The following GALNTL6 variants were observed in gnomAD, a reference collection of about 807,000 sequenced individuals.
The protein encoded by GALNTL6 is polypeptide N-acetylgalactosaminyltransferase like 6, also known as polypeptide N-acetylgalactosaminyltransferase-like 6.
A neutral mutation model predicts 73.7 loss-of-function variants in GALNTL6; 46 were observed. The ratio of observed to expected loss-of-function variants is 0.62; its 90% CI spans 0.49 to 0.80. The LOEUF (loss-of-function observed/expected upper bound fraction) is 0.80. Ranked by LOEUF, GALNTL6 falls within the 30% of genes least tolerant of loss-of-function variation. The pLI, the probability that GALNTL6 is intolerant of heterozygous loss-of-function variation, is 0.00. For synonymous variants in GALNTL6, 259 were observed against 263.7 expected, an observed-to-expected ratio of 0.98 and a Z score of 0.17; for missense variants, 604 against 755.0, an observed-to-expected ratio of 0.80 and a Z score of 2.34.
At chr4:172,576,736 C>T (rs1028556010) in intron 5 of GALNTL6, among the ~76,000 whole-genome samples, 5 of 152,110 alleles carry the variant, frequency 3.3e-5, no homozygotes, top group Non-Finnish European at 7.4e-5. Context: ...ATTAGTTCCA[C>T]TATAACTACT....
Position 172,742,739 on chromosome 4 carries a change from T to C in GALNTL6, c.554-66622T>C, listed in dbSNP as rs569431710. 1.4e-3 allele frequency among the ~76,000 whole-genome samples: 210 copies of C among 152,188 alleles called. 1 individual carries two copies. Among genetic ancestry groups the C allele is most frequent in the African/African-American group, 4.8e-3 (200 of 41,542 alleles). ...AAAGCGAACAACAAACTATACTGCT[T>C]AAAATCTGCTGACAGGATTTCCCTT... On this transcript the variant is annotated intron_variant, in intron 5 of 12. Transcript: ENST00000506823.
chr4:171,929,614 C>A (rs1738111492), intron 2 of GALNTL6, among the ~76,000 whole-genome samples: 1 of 152,236 alleles, frequency 6.6e-6, no homozygotes, highest in African/African-American at 2.4e-5. Flanking sequence ...AGCCAGCCCA[C>A]TGTACGTGCT....
intron 2 of GALNTL6, among the ~76,000 whole-genome samples, chr4:172,118,058 T>C (rs1733034400): frequency 6.6e-6 from 1 of 152,108 alleles, no homozygotes; most frequent in Admixed American, 6.6e-5. Context: ...ATATGTGATA[T>C]TTTACCTTCA....
chr4:172,201,151 G>T (rs1735937999), intron 2 of GALNTL6, among the ~76,000 whole-genome samples: 1 of 151,234 alleles, frequency 6.6e-6, no homozygotes, highest in Non-Finnish European at 1.5e-5. Flanking sequence ...GGACAGAATT[G>T]TTCCCTAATG....
At chr4:173,017,969 C>G (rs1752848160) in intron 11 of GALNTL6, among the ~76,000 whole-genome samples, 1 of 152,204 alleles carries the variant, frequency 6.6e-6, no homozygotes, top group Non-Finnish European at 1.5e-5. Context: ...AAGCAAGACA[C>G]TCATTTTCTG....
intron 5 of GALNTL6, among the ~76,000 whole-genome samples, chr4:172,519,590 C>T (rs1734712905): frequency 6.6e-6 from 1 of 151,032 alleles, no homozygotes; most frequent in Non-Finnish European, 1.5e-5. Context: ...GTTTCTTCCA[C>T]TGACAAAGAC....
chr4:172,025,796 T>C (rs182983743), intron 2 of GALNTL6, among the ~76,000 whole-genome samples: 2 of 151,966 alleles, frequency 1.3e-5, no homozygotes, highest in African/African-American at 4.8e-5. Flanking sequence ...TTGGTGTGTG[T>C]GTGTGTGTAT....
intron 5 of GALNTL6, among the ~76,000 whole-genome samples, chr4:172,592,634 AT>A (rs1737682282): frequency 6.6e-6 from 1 of 152,010 alleles, no homozygotes; most frequent in Non-Finnish European, 1.5e-5. Flanking sequence ...GAAATAACAC[AT>A]TAGAATACTC....
chr4:172,212,124 T>A (rs1312672692), intron 2 of GALNTL6, among the ~76,000 whole-genome samples: 1 of 152,136 alleles, frequency 6.6e-6, no homozygotes, highest in Non-Finnish European at 1.5e-5. Context: ...TTAGATTTCT[T>A]CATATTCCAT....
At chr4:172,949,804 G>A (rs1315150817) in intron 9 of GALNTL6, among the ~76,000 whole-genome samples, 2 of 151,832 alleles carry the variant, frequency 1.3e-5, no homozygotes, top group African/African-American at 4.8e-5. Context: ...AGCTACGTGG[G>A]AGGCTGAGGC....
Position 172,340,429 on chromosome 4 carries a change from T to C in GALNTL6, c.387-8094T>C, listed in dbSNP as rs556052300. ...CTCAGGATTCTTGCATCTATGTTCATCAGAGATATTGGCCTATAGTTTTTC... is the reference window on the plus strand; with the variant it reads ...CTCAGGATTCTTGCATCTATGTTCACCAGAGATATTGGCCTATAGTTTTTC... On this transcript the variant is annotated intron_variant, in intron 4 of 12. Coordinates refer to ENST00000506823, the MANE Select transcript of GALNTL6 (RefSeq NM_001034845.3). Among the ~76,000 whole-genome samples the C allele has an allele frequency of 5.7e-4, 87 of 152,324 alleles. 1 individual carries two copies. Among genetic ancestry groups the C allele is most frequent in the African/African-American group, 1.9e-3 (77 of 41,584 alleles).
At chr4:171,842,281 T>G (rs1254020290) in intron 2 of GALNTL6, among the ~76,000 whole-genome samples, 1 of 152,172 alleles carries the variant, frequency 6.6e-6, no homozygotes, top group Non-Finnish European at 1.5e-5. Flanking sequence ...TCCTTAAAAT[T>G]TTTAGTTGTT....
chr4:172,701,664 G>A (rs982372256), intron 5 of GALNTL6, among the ~76,000 whole-genome samples: 3 of 152,034 alleles, frequency 2.0e-5, no homozygotes, highest in South Asian at 2.1e-4. Flanking sequence ...GAGGTTCCAC[G>A]AAAGAAAACT....
intron 2 of GALNTL6, among the ~76,000 whole-genome samples, chr4:172,142,728 CTA>C (rs1263272943): frequency 2.6e-5 from 4 of 151,778 alleles, no homozygotes; most frequent in Admixed American, 2.6e-4. Context: ...TTCTAGAATT[CTA>C]GAAATTCTAA....
At chr4:172,281,213 C>T (rs894114096) in intron 3 of GALNTL6, among the ~76,000 whole-genome samples, 2 of 152,044 alleles carry the variant, frequency 1.3e-5, no homozygotes, top group Non-Finnish European at 1.5e-5. Flanking sequence ...CCTTACAGTT[C>T]CGGAAGTGAG....
At chr4:172,059,909 G>A (rs1731142291) in intron 2 of GALNTL6, among the ~76,000 whole-genome samples, 1 of 152,094 alleles carries the variant, frequency 6.6e-6, no homozygotes, top group Non-Finnish European at 1.5e-5. Flanking sequence ...TTTAAGGTGA[G>A]AGGGAAGGGA....
intron 2 of GALNTL6, among the ~76,000 whole-genome samples, chr4:172,074,215 A>G (rs920244639): frequency 2.6e-5 from 4 of 152,352 alleles, no homozygotes; most frequent in Admixed American, 2.6e-4. Context: ...AGAAAAATTT[A>G]GCTTCCTTAA....
intron 5 of GALNTL6, among the ~76,000 whole-genome samples, chr4:172,761,048 A>C (rs1738054736): frequency 6.6e-6 from 1 of 152,216 alleles, no homozygotes; most frequent in Non-Finnish European, 1.5e-5. Context: ...AGTTCTGAAC[A>C]AGGAAAAATC....
intron 2 of GALNTL6, among the ~76,000 whole-genome samples, chr4:171,955,493 A>C (rs1032311085): frequency 1.3e-5 from 2 of 152,008 alleles, no homozygotes; most frequent in Non-Finnish European, 2.9e-5. Context: ...AAGGATGCTG[A>C]AGTTCCCAAA....
Sources: allele counts gnomAD v4.1 joint callset (sites outside exome capture counted in the v4.1 genomes callset), GRCh38; gene constraint gnomAD v4.1.1; transcripts MANE v1.5; gene names NCBI Gene and HGNC (gene_info 2026-07-23, HGNC 2026-07-21).